The following RILPL2 variants were observed in gnomAD, a reference collection of about 807,000 sequenced individuals.
The protein encoded by RILPL2 is RILP-like protein 2.
In RILPL2, 19 loss-of-function variants were observed where a neutral mutation model predicts 22.2. The ratio of observed to expected loss-of-function variants is 0.86; its 90% CI spans 0.60 to 1.25. RILPL2 has a LOEUF of 1.25. Among genes scored for constraint, RILPL2 ranks in the 50% most tolerant of loss-of-function variants. The probability of loss-of-function intolerance (pLI) is 0.00; values close to 1 mark genes in which losing one functional copy is unlikely to be tolerated. For synonymous variants in RILPL2, 123 were observed against 111.6 expected (o/e 1.10, Z -0.64); for missense variants, 243 against 263.6 (o/e 0.92, Z 0.54).
Position 123,417,343 on chromosome 12 carries a change from T to G in RILPL2, c.606-1422A>C, listed in dbSNP as rs573985095. Among the ~76,000 whole-genome samples the G allele has an allele frequency of 2.6e-5, 4 of 151,806 alleles. No homozygotes were observed. In the East Asian group the frequency reaches 7.7e-4, roughly 29 times the overall value. On this transcript the variant is annotated intron_variant, in intron 3 of 3. Coordinates refer to ENST00000280571, the MANE Select transcript of RILPL2 (RefSeq NM_145058.3). ...AAGAAACACCCCCATTGGCCTTACTTTGACCCTGTCTCCCAACCCTTCTCC... is the reference window on the plus strand; with the variant it reads ...AAGAAACACCCCCATTGGCCTTACTGTGACCCTGTCTCCCAACCCTTCTCC...
At chr12:123,420,785 A>C (rs1879261329) in intron 3 of RILPL2, among the ~76,000 whole-genome samples, 1 of 152,130 alleles carries the variant, frequency 6.6e-6, no homozygotes, top group Non-Finnish European at 1.5e-5. Flanking sequence ...GTGCAGCAGG[A>C]AACATTCTGG....
At position 123,415,559 on chromosome 12, in the gene RILPL2, G is replaced by A. The variant is rs1879092834; in HGVS notation, c.*332C>T. On this transcript the variant is annotated 3_prime_UTR_variant, in exon 4 of 4. Coordinates refer to ENST00000280571, the MANE Select transcript of RILPL2 (RefSeq NM_145058.3). ...CCATTGAAGACCAGGGTCATCCGTG[G>A]GAGCAGATGAGTAGGACACGCGTCT... is the stretch of plus-strand genomic sequence containing the variant. 8.9e-6 allele frequency: 3 copies of A among 338,288 alleles called. No homozygotes were observed. Among genetic ancestry groups the A allele is most frequent in the African/African-American group, 6.3e-5 (3 of 47,644 alleles). The allele number at this position is 338,288 out of a possible 1,614,324, so 21.0% of individuals were successfully genotyped here.
At chr12:123,423,922 G>A (rs937966656) in intron 2 of RILPL2, among the ~76,000 whole-genome samples, 1 of 151,972 alleles carries the variant, frequency 6.6e-6, no homozygotes, top group Non-Finnish European at 1.5e-5. Context: ...CAAAGTGCTG[G>A]GATTACAGGT....
intron 1 of RILPL2, among the ~76,000 whole-genome samples, chr12:123,433,865 A>G (rs1879716734): frequency 6.6e-6 from 1 of 152,178 alleles, no homozygotes; most frequent in African/African-American, 2.4e-5. Context: ...TGTTAGTACA[A>G]GTAAGGTCAA....
At chr12:123,428,413 G>A (rs1010939397) in intron 2 of RILPL2, among the ~76,000 whole-genome samples, 1 of 152,312 alleles carries the variant, frequency 6.6e-6, no homozygotes, top group African/African-American at 2.4e-5. Context: ...TGGGATTACA[G>A]GCGTGAGCCA....
At chr12:123,424,081 A>G (rs1019578210) in intron 2 of RILPL2, among the ~76,000 whole-genome samples, 1 of 152,174 alleles carries the variant, frequency 6.6e-6, no homozygotes, top group Admixed American at 6.6e-5. Flanking sequence ...TGAGTCTAAT[A>G]ATAGTACCTA....
At chr12:123,413,675 G>C (rs902844922), downstream of RILPL2, 6 of 152,240 alleles carry the variant, frequency 3.9e-5, no homozygotes, top group South Asian at 4.1e-4. Context: ...ACTGCTGCCT[G>C]GGGCAGCCTG....
At chr12:123,425,365 G>T (rs1448899434) in intron 2 of RILPL2, among the ~76,000 whole-genome samples, 1 of 151,860 alleles carries the variant, frequency 6.6e-6, no homozygotes, top group African/African-American at 2.4e-5. Context: ...TTTCAGTAGA[G>T]ACGGGGTTTC....
At position 123,436,673 on chromosome 12, in the gene RILPL2, A is replaced by G. The variant is rs1879817607; in HGVS notation, c.-253T>C. On this transcript the variant is annotated 5_prime_UTR_variant, in exon 1 of 4. Coordinates refer to ENST00000280571, the MANE Select transcript of RILPL2 (RefSeq NM_145058.3). The surrounding 1 kb of genome is among the most constrained non-coding windows in gnomAD (Gnocchi z 6.7). The stretch of plus-strand genomic sequence containing the variant: ...AGGATGTGGTTTGGGGCGCGAAGGG[A>G]CAACGGAAAAGGAGGCAGCCGAGAA... 1 of 578,340 alleles carries G rather than the reference A, an allele frequency of 1.7e-6. No homozygotes were observed. Among genetic ancestry groups the G allele is most frequent in the African/African-American group, 1.9e-5 (1 of 53,662 alleles). 35.8% of individuals were successfully genotyped at this position (578,340 alleles called of 1,614,324 possible).
intron 2 of RILPL2, among the ~76,000 whole-genome samples, chr12:123,429,789 T>C (rs2139248544): frequency 6.6e-6 from 1 of 151,758 alleles, no homozygotes. Context: ...GTATTTTTAA[T>C]GGAGACTGGC....
chr12:123,426,525 G>T (rs780883020), intron 2 of RILPL2, among the ~76,000 whole-genome samples: 47 of 152,116 alleles, frequency 3.1e-4, no homozygotes, highest in Admixed American at 6.6e-4. Flanking sequence ...ATTTTTCCAT[G>T]ATCTATTATT....
At chr12:123,430,485 A>G (rs1879607796) in intron 2 of RILPL2, 23 bp downstream of exon 2, 2 of 1,591,588 alleles carry the variant, frequency 1.3e-6, no homozygotes, top group Admixed American at 1.7e-5. Context: ...TGGGTGCAGG[A>G]CCCTCCAGGC....
At chr12:123,420,511 A>G (rs1227146913) in intron 3 of RILPL2, among the ~76,000 whole-genome samples, 3 of 150,174 alleles carry the variant, frequency 2.0e-5, no homozygotes, top group Non-Finnish European at 4.4e-5. Flanking sequence ...ATCTCAGTTC[A>G]CTGCAACCTC....
At chr12:123,415,978 A>G (rs1286897957) in intron 3 of RILPL2, 57 bp from the exon 4 acceptor site, 2 of 1,570,556 alleles carry the variant, frequency 1.3e-6, no homozygotes, top group Non-Finnish European at 1.8e-6. Flanking sequence ...CAAGGGGCAC[A>G]GCAACCCCCG....
At position 123,436,298 on chromosome 12, in the gene RILPL2, C is replaced by T; in HGVS notation, c.123G>A (p.Val41=). Residue 41 remains valine, a synonymous_variant, in exon 1 of 4, where the codon GTG becomes GTA. Coordinates refer to ENST00000280571, the MANE Select transcript of RILPL2 (RefSeq NM_145058.3). This position sits in a 1 kb window ranked among gnomAD's most constrained non-coding sequence, Gnocchi z 6.7. ...GGCCCAACAGGTAGGAGATGTCATA[C>T]ACGTCCTCGGCGGTCAGCTGGAAGG... is the stretch of plus-strand genomic sequence containing the variant. The part of the protein sequence containing the change: ...KSPFQLTAED[V]YDISYLLGRE... 4 of 1,598,754 alleles carry T rather than the reference C, an allele frequency of 2.5e-6. No individual in the cohort carries two copies. Among genetic ancestry groups the T allele is most frequent in the Non-Finnish European group, 3.4e-6 (4 of 1,173,070 alleles).
At chr12:123,409,579 GT>G in the RILPL2 span, among the ~76,000 whole-genome samples, 3 of 142,094 alleles carry the variant, frequency 2.1e-5, no homozygotes, top group South Asian at 6.5e-4. Context: ...GACAGTCTCT[GT>G]TACCTAGGCT....
At position 123,417,070 on chromosome 12, in the gene RILPL2, G is replaced by A. The variant is rs182830382; in HGVS notation, c.606-1149C>T. ...TCCTAGCACATTGGGAGGCTGAGGC[G>A]GGCGGATTGCTTGAGCTCAGGAGTT... On this transcript the variant is annotated intron_variant, in intron 3 of 3. Transcript: ENST00000280571. Among the ~76,000 whole-genome samples, 201 of 152,188 alleles carry A rather than the reference G, an allele frequency of 1.3e-3. 1 individual carries two copies. The highest frequency in any genetic ancestry group is 4.1e-3 in the Admixed American group (62 of 15,240).
intron 1 of RILPL2, among the ~76,000 whole-genome samples, chr12:123,432,726 A>G (rs1057158731): frequency 3.3e-5 from 5 of 151,688 alleles, no homozygotes; most frequent in East Asian, 1.9e-4. Context: ...CTCGGCTCAT[A>G]ATGGGGACTT....
At position 123,436,102 on chromosome 12, in the gene RILPL2, T is replaced by A. The variant is rs771554933; in HGVS notation, c.319A>T (p.Ser107Cys). ...RKEVEGLRRQ[S>C]PPASGEVNLG... is the part of the protein sequence containing the mutation. ...CTCACCTCCCCGCTGGCCGGAGGGC[T>A]CTGTCTCCGCAGCCCCTCCACCTCC... Residue 107 changes from serine (S) to cysteine (C), a missense_variant, in exon 1 of 4, where the codon AGC becomes TGC. Ser to Cys is a moderately radical substitution (Grantham distance 112). Transcript: ENST00000280571. The surrounding 1 kb of genome is among the most constrained non-coding windows in gnomAD (Gnocchi z 6.7). 5 of 1,580,772 alleles carry A rather than the reference T, an allele frequency of 3.2e-6. No individual in the cohort carries two copies. Among genetic ancestry groups the A allele is most frequent in the African/African-American group, 1.4e-5 (1 of 74,006 alleles).
Sources: allele counts gnomAD v4.1 joint callset (sites outside exome capture counted in the v4.1 genomes callset), GRCh38; gene constraint gnomAD v4.1.1; non-coding constraint Gnocchi (gnomAD v3.1); transcripts MANE v1.5; gene names NCBI Gene and HGNC (gene_info 2026-07-23, HGNC 2026-07-21).